The following SPMIP9 variants were observed in gnomAD, a reference collection of about 807,000 sequenced individuals.
SPMIP9 encodes the protein sperm microtubule inner protein 9, also known as protein SPMIP9.
At chr2:88,528,696 T>C in the SPMIP9 span, among the ~76,000 whole-genome samples, 1 of 152,206 alleles carries the variant, frequency 6.6e-6, no homozygotes, top group African/African-American at 2.4e-5. Flanking sequence ...AAGCAAAGTG[T>C]GGGATGGAAT....
the SPMIP9 span, among the ~76,000 whole-genome samples, chr2:88,525,912 G>C: frequency 6.6e-6 from 1 of 152,142 alleles, no homozygotes; most frequent in East Asian, 1.9e-4. Flanking sequence ...CAGTGTGCCA[G>C]GCCCTGTCCT....
the SPMIP9 span, among the ~76,000 whole-genome samples, chr2:88,527,708 CT>C: frequency 6.6e-6 from 1 of 152,160 alleles, no homozygotes; most frequent in Admixed American, 6.6e-5. Context: ...TTTATTCCTA[CT>C]CTTCCCACTC....
the SPMIP9 span, chr2:88,526,631 A>C: frequency 1.4e-6 from 1 of 720,148 alleles, no homozygotes; most frequent in Non-Finnish European, 2.4e-6. Context: ...TATGACTTAG[A>C]GATCTTTTCT....
At chr2:88,526,706 C>T in the SPMIP9 span, among the ~76,000 whole-genome samples, 1 of 151,968 alleles carries the variant, frequency 6.6e-6, no homozygotes, top group East Asian at 1.9e-4. Flanking sequence ...ACTCTGTCAC[C>T]CAGGCTGGAG....
the SPMIP9 span, chr2:88,529,351 C>T: frequency 6.2e-7 from 1 of 1,614,180 alleles, no homozygotes. Flanking sequence ...ATCCCAAACA[C>T]CAGCCTGCTG....
At chr2:88,527,372 T>C in the SPMIP9 span, among the ~76,000 whole-genome samples, 1 of 152,224 alleles carries the variant, frequency 6.6e-6, no homozygotes, top group Non-Finnish European at 1.5e-5. Context: ...TGCACGCTTG[T>C]ATTTTCAGCT....
chr2:88,527,942 G>A, the SPMIP9 span, among the ~76,000 whole-genome samples: 1 of 152,052 alleles, frequency 6.6e-6, no homozygotes, highest in Non-Finnish European at 1.5e-5. Context: ...CCAGTTTGGT[G>A]GGTGCAAAAT....
the SPMIP9 span, chr2:88,529,221 A>C: frequency 1.9e-6 from 3 of 1,614,178 alleles, no homozygotes; most frequent in South Asian, 1.1e-5. Flanking sequence ...GCCACGAGGG[A>C]GGACGAGCGC....
the SPMIP9 span, among the ~76,000 whole-genome samples, chr2:88,528,595 CT>C: frequency 6.6e-6 from 1 of 152,110 alleles, no homozygotes; most frequent in Non-Finnish European, 1.5e-5. Flanking sequence ...TTCAAGATTG[CT>C]TAAAAATCTT....
chr2:88,525,765 T>C, the SPMIP9 span: 2 of 1,287,586 alleles, frequency 1.6e-6, no homozygotes, highest in Non-Finnish European at 2.2e-6. Context: ...TAGAAGCTCA[T>C]CTTTCTGTAA....
At chr2:88,528,389 C>T in the SPMIP9 span, among the ~76,000 whole-genome samples, 1 of 152,170 alleles carries the variant, frequency 6.6e-6, no homozygotes, top group Non-Finnish European at 1.5e-5. Flanking sequence ...CCACTCACCT[C>T]AGCCTCCCAA....
the SPMIP9 span, chr2:88,524,864 G>A: frequency 2.0e-5 from 3 of 152,494 alleles, no homozygotes; most frequent in Admixed American, 6.5e-5. Context: ...AAGAGAGTGG[G>A]GCTTAGGGGA....
the SPMIP9 span, among the ~76,000 whole-genome samples, chr2:88,527,993 G>A: frequency 6.6e-6 from 1 of 152,124 alleles, no homozygotes; most frequent in Non-Finnish European, 1.5e-5. Flanking sequence ...CACTAACAAT[G>A]AGGTTGGACA....
chr2:88,528,266 T>C, the SPMIP9 span, among the ~76,000 whole-genome samples: 1 of 151,670 alleles, frequency 6.6e-6, no homozygotes, highest in Admixed American at 6.6e-5. Context: ...GCCTCCCGAG[T>C]AGCTGGGATT....
the SPMIP9 span, chr2:88,529,540 C>G: frequency 7.3e-7 from 1 of 1,362,700 alleles, no homozygotes; most frequent in Non-Finnish European, 1.0e-6. Flanking sequence ...CCTTGGAGTG[C>G]AGAGAGGAGA....
the SPMIP9 span, chr2:88,526,276 A>G: frequency 2.8e-6 from 2 of 711,260 alleles, 1 homozygote; most frequent in South Asian, 3.3e-5. Context: ...TCACAGCCAG[A>G]TCATTTGGGC....
chr2:88,525,663 C>G, the SPMIP9 span: 3 of 1,614,134 alleles, frequency 1.9e-6, no homozygotes, highest in Non-Finnish European at 2.5e-6. Context: ...TGTGAAATAC[C>G]CGGGACAGGT....
chr2:88,524,849 T>C, the SPMIP9 span: 1 of 152,550 alleles, frequency 6.6e-6, no homozygotes, highest in Non-Finnish European at 1.5e-5. Context: ...GGCCACAGTC[T>C]GCTGAAGAGA....
the SPMIP9 span, chr2:88,526,407 C>T: frequency 1.2e-6 from 2 of 1,611,396 alleles, no homozygotes; most frequent in South Asian, 2.2e-5. Context: ...TGCTTTAGGA[C>T]CCTGTGGATT....
Sources: gnomAD v4.1 joint callset for allele counts (sites outside exome capture counted in the v4.1 genomes callset) on GRCh38, gnomAD v4.1.1 for gene constraint, MANE v1.5 for transcripts, NCBI Gene and HGNC (gene_info 2026-07-23, HGNC 2026-07-21) for gene names.